The following UCHL5 variants were observed in gnomAD, a reference collection of about 807,000 sequenced individuals.
The protein encoded by UCHL5 is ubiquitin C-terminal hydrolase L5.
In UCHL5, 34 loss-of-function variants were observed where a neutral mutation model predicts 53.8. The ratio of observed to expected loss-of-function variants is 0.63; its 90% confidence interval spans 0.48 to 0.84. The LOEUF is 0.84. Among genes scored for constraint, UCHL5 ranks in the 40% least tolerant of loss-of-function variants. The probability of loss-of-function intolerance (pLI) is 0.00; values close to 1 mark genes in which losing one functional copy is unlikely to be tolerated. For synonymous variants in UCHL5, 111 were observed against 126.3 expected (o/e 0.88, Z 0.81); for missense variants, 290 against 385.6 (o/e 0.75, Z 2.08).
At chr1:193,050,685 G>A (rs1558161556) in intron 2 of UCHL5, among the ~76,000 whole-genome samples, 1 of 151,878 alleles carries the variant, frequency 6.6e-6, no homozygotes, top group Admixed American at 6.6e-5. Context: ...GGCAGAGACT[G>A]CAGTGAGCCG....
intron 6 of UCHL5, 76 bp downstream of exon 6, chr1:193,029,103 A>G: frequency 6.5e-7 from 1 of 1,529,458 alleles, no homozygotes; most frequent in South Asian, 1.3e-5. Context: ...AAATTTAAGC[A>G]GCACTGAATG....
chr1:193,055,974 T>C (rs191108450), intron 1 of UCHL5, among the ~76,000 whole-genome samples: 64 of 152,306 alleles, frequency 4.2e-4, no homozygotes, highest in Middle Eastern at 3.4e-3. Context: ...ATTTATAATA[T>C]TAAATATTTG....
chr1:193,020,070 C>G (rs1410565616), intron 10 of UCHL5: 2 of 984,760 alleles, frequency 2.0e-6, no homozygotes, highest in Non-Finnish European at 2.4e-6. Context: ...AGAATACACC[C>G]TGAGATGCAT....
At chr1:193,027,897 C>T (rs775512211) in intron 7 of UCHL5, 188 bp downstream of exon 7, 98 of 1,473,290 alleles carry the variant, frequency 6.7e-5, no homozygotes, top group Non-Finnish European at 7.8e-5. Flanking sequence ...TCGAGGCAGG[C>T]GGATGGCTTG....
intron 2 of UCHL5, among the ~76,000 whole-genome samples, chr1:193,050,748 A>T (rs1668762779): frequency 6.7e-6 from 1 of 148,266 alleles, no homozygotes; most frequent in African/African-American, 2.4e-5. Context: ...TGTTTCAAAA[A>T]GAAAAAGAAA....
In UCHL5 at chr1:193,051,738, C is replaced by T. The variant is rs1669124632; in HGVS notation, c.140+16G>A. 1 of 1,509,522 alleles carries T rather than the reference C, an allele frequency of 6.6e-7. No individual in the cohort carries two copies. Among genetic ancestry groups the T allele is most frequent in the Non-Finnish European group, 9.1e-7 (1 of 1,101,572 alleles). 93.5% of individuals were successfully genotyped at this position (1,509,522 alleles called of 1,614,324 possible). ...TATATATATATACATATTAACACAA[C>T]TAAAATTATACTTACTTTAATTTTT... On this transcript the variant is annotated intron_variant, in intron 2 of 10. Transcript: ENST00000367454.
chr1:193,051,633 A>C (rs1669087720), intron 2 of UCHL5, 121 bp downstream of exon 2: 7 of 486,998 alleles, frequency 1.4e-5, no homozygotes, highest in Admixed American at 1.2e-4. Flanking sequence ...GAAGAGACTT[A>C]AAGGACATAA....
intron 3 of UCHL5, among the ~76,000 whole-genome samples, chr1:193,034,369 T>TA (rs1662612420): frequency 1.3e-5 from 2 of 151,842 alleles, no homozygotes; most frequent in Non-Finnish European, 1.5e-5. Flanking sequence ...AGAAATCTTT[T>TA]AAAAAAATAC....
Position 193,028,136 on chromosome 1 carries a change from T to A in UCHL5, c.578A>T (p.Gln193Leu). 1 of 1,598,446 alleles carries A rather than the reference T, an allele frequency of 6.3e-7. No homozygotes were observed. The highest frequency in any genetic ancestry group is 8.5e-7 in the Non-Finnish European group (1 of 1,174,298). Residue 193 changes from glutamine (Q) to leucine (L), a missense_variant, in exon 7 of 11, where the codon CAA becomes CTA. Physicochemically the swap from Gln to Leu is moderately radical, Grantham distance 113 (BLOSUM62 -2). Transcript: ENST00000367454. Reference protein sequence around the residue: ...EGPIDLGACNQDDWISAVRPV... With the variant: ...EGPIDLGACNLDDWISAVRPV... ...CCTTACTGCACTGATCCAATCATCTTGATTGCATGCACCTAGAAAGAAATT... is the reference window on the plus strand; with the variant it reads ...CCTTACTGCACTGATCCAATCATCTAGATTGCATGCACCTAGAAAGAAATT...
At chr1:193,051,536 C>T (rs966229726) in intron 2 of UCHL5, among the ~76,000 whole-genome samples, 1 of 149,468 alleles carries the variant, frequency 6.7e-6, no homozygotes, top group African/African-American at 2.5e-5. Flanking sequence ...AATTACAGAG[C>T]CTTAGGTTTG....
chr1:193,028,400 G>C (rs866420234), intron 6 of UCHL5, among the ~76,000 whole-genome samples: 1 of 151,900 alleles, frequency 6.6e-6, no homozygotes, highest in African/African-American at 2.4e-5. Flanking sequence ...TCTACGCATG[G>C]GGCATGGCAA....
At position 193,022,965 on chromosome 1, in the gene UCHL5, C is replaced by A; in HGVS notation, c.804G>T (p.Met268Ile). 1 of 1,612,966 alleles carries A rather than the reference C, an allele frequency of 6.2e-7. No individual in the cohort carries two copies. Among genetic ancestry groups the A allele is most frequent in the Non-Finnish European group, 8.5e-7 (1 of 1,179,402 alleles). ...AIQSEVAKNQ[M>I]LIEEEVQKLK... is the part of the protein sequence containing the mutation. ...ATTTCTGTACTTCTTCTTCAATAAGCATCTGATTTTTGGCAACTTCTGACT... is the reference window on the plus strand; with the variant it reads ...ATTTCTGTACTTCTTCTTCAATAAGAATCTGATTTTTGGCAACTTCTGACT... Residue 268 changes from methionine (M) to isoleucine (I), a missense_variant, in exon 9 of 11, where the codon ATG becomes ATT. Physicochemically the swap from Met to Ile is conservative, Grantham distance 10. Coordinates refer to ENST00000367454, the MANE Select transcript of UCHL5 (RefSeq NM_001199261.3).
intron 10 of UCHL5, chr1:193,020,310 G>A (rs1433966434): frequency 6.5e-7 from 1 of 1,544,728 alleles, no homozygotes; most frequent in Non-Finnish European, 8.7e-7. Flanking sequence ...TACCTACCAT[G>A]TATTCTCGTC....
At chr1:193,037,756 C>T (rs1021660184) in intron 3 of UCHL5, among the ~76,000 whole-genome samples, 1 of 151,872 alleles carries the variant, frequency 6.6e-6, no homozygotes, top group Non-Finnish European at 1.5e-5. Flanking sequence ...TCAAAAGTAA[C>T]AAACCAAATT....
At chr1:193,017,607 G>C (rs533996503) in intron 10 of UCHL5, among the ~76,000 whole-genome samples, 1 of 151,660 alleles carries the variant, frequency 6.6e-6, no homozygotes, top group South Asian at 2.1e-4. Flanking sequence ...AAAAGTATGT[G>C]CTTCTTTCCT....
chr1:193,042,838 G>C (rs1262351536), intron 3 of UCHL5, among the ~76,000 whole-genome samples: 1 of 152,138 alleles, frequency 6.6e-6, no homozygotes, highest in South Asian at 2.1e-4. Flanking sequence ...ACCTCTGTCT[G>C]CATCTGTAGG....
chr1:193,048,776 A>G (rs1239611605), intron 3 of UCHL5, among the ~76,000 whole-genome samples: 1 of 152,256 alleles, frequency 6.6e-6, no homozygotes, highest in Non-Finnish European at 1.5e-5. Flanking sequence ...ATGTAAAACA[A>G]TGCAATCTTC....
intron 3 of UCHL5, chr1:193,049,503 C>T (rs796104060): frequency 1.1e-4 from 35 of 313,562 alleles, no homozygotes; most frequent in African/African-American, 5.8e-4. Context: ...CCATGCCTGG[C>T]GTAAATATTA....
At position 193,049,845 on chromosome 1, in the gene UCHL5, A is replaced by T. The variant is rs774198445; in HGVS notation, c.147T>A (p.Val49=). 2 of 1,608,366 alleles carry T rather than the reference A, an allele frequency of 1.2e-6. No individual in the cohort carries two copies. Among genetic ancestry groups the T allele is most frequent in the South Asian group, 2.2e-5 (2 of 90,570 alleles). Residue 49 remains valine (V), a synonymous_variant, in exon 3 of 11, where the codon GTT becomes GTA. Transcript: ENST00000367454. Reference sequence around the variant, plus strand: ...ACTTGAAAAGAAAAATTAACCCATGAACTGGCCTACAAAATAAAATACAAA... The same window carrying T: ...ACTTGAAAAGAAAAATTAACCCATGTACTGGCCTACAAAATAAAATACAAA... ...EPENFEKLKP[V]HGLIFLFKWQ...
Sources: allele counts gnomAD v4.1 joint callset (sites outside exome capture counted in the v4.1 genomes callset), GRCh38; gene constraint gnomAD v4.1.1; transcripts MANE v1.5; gene names NCBI Gene and HGNC (gene_info 2026-07-23, HGNC 2026-07-21).